ZNF423: variants seen among roughly 807,000 people sequenced by gnomAD.
ZNF423 encodes the protein Ebf-associated zinc finger protein.
In ZNF423, 12 loss-of-function variants were observed where a neutral mutation model predicts 95.8. The ratio of observed to expected loss-of-function variants is 0.13; its 90% confidence interval spans 0.08 to 0.20. The LOEUF (loss-of-function observed/expected upper bound fraction) is 0.20, where lower values mean the gene tolerates loss of function less well. Among genes scored for constraint, ZNF423 ranks in the 10% least tolerant of loss-of-function variants. ZNF423 has a pLI of 1.00. For missense variants in ZNF423, 1,316 were observed against 1,737.1 expected, an observed-to-expected ratio of 0.76 and a Z score of 4.31; for synonymous variants, 749 against 711.9, an observed-to-expected ratio of 1.05 and a Z score of -0.83.
intron 3 of ZNF423, among the ~76,000 whole-genome samples, chr16:49,663,020 G>A (rs748137075): frequency 3.9e-5 from 6 of 152,136 alleles, no homozygotes; most frequent in Admixed American, 6.5e-5. Flanking sequence ...TCTTGGTTTC[G>A]GCAACAGCTA....
chr16:49,566,034 T>C (rs990446089), intron 5 of ZNF423, among the ~76,000 whole-genome samples: 1 of 152,134 alleles, frequency 6.6e-6, no homozygotes, highest in African/African-American at 2.4e-5. Context: ...ATCCTTAACC[T>C]GTCTTTGCAA....
chr16:49,822,327 C>T (rs548228110), intron 1 of ZNF423, among the ~76,000 whole-genome samples: 42 of 152,118 alleles, frequency 2.8e-4, no homozygotes, highest in Non-Finnish European at 5.3e-4. Context: ...GTGCCCACCA[C>T]CACGCCTGGC....
chr16:49,855,535 GCCT>G lies in ZNF423; in HGVS notation c.40+197_40+199del, dbSNP rs1228937608. On this transcript the variant is annotated intron_variant, in intron 1 of 7. Transcript: ENST00000563137. The surrounding 1 kb of genome is among the most constrained non-coding windows in gnomAD (Gnocchi z 4.7). ...CTCCGCCGCCGCCGCCGCCGCCGCCGCCTCCGCCTCCTGCTCCCGGCTTCCTCC... is the reference window on the plus strand; with the variant it reads ...CTCCGCCGCCGCCGCCGCCGCCGCCGCCGCCTCCTGCTCCCGGCTTCCTCC... Among the ~76,000 whole-genome samples the G allele has an allele frequency of 4.3e-5, 6 of 140,936 alleles. No individual in the cohort carries two copies. The East Asian group carries it at 1.1e-3, about 27-fold the overall frequency. The allele number at this position is 140,936 out of a possible 152,430, so 92.5% of individuals were successfully genotyped here.
intron 3 of ZNF423, among the ~76,000 whole-genome samples, chr16:49,685,692 C>T (rs2031537791): frequency 6.6e-6 from 1 of 152,184 alleles, no homozygotes. Flanking sequence ...TGTTCTCGGT[C>T]CCCACTGCCT....
Position 49,514,780 on chromosome 16 carries a change from CA to C in ZNF423, c.3849+8843del, listed in dbSNP as rs772758762. Among the ~76,000 whole-genome samples, 17 of 152,380 alleles carry C rather than the reference CA, an allele frequency of 1.1e-4. 1 individual carries two copies. The South Asian group carries it at 2.9e-3, about 26-fold the overall frequency. On this transcript the variant is annotated intron_variant, in intron 7 of 7. Transcript: ENST00000563137. ...CCACCGCGGGCCCGGCTCACGGAAT[CA>C]CTTCCTGCAGCCCCTGGCTTTGTCA... is the stretch of plus-strand genomic sequence containing the variant.
intron 5 of ZNF423, among the ~76,000 whole-genome samples, chr16:49,606,213 C>A (rs1291066178): frequency 2.6e-5 from 4 of 152,192 alleles, no homozygotes; most frequent in South Asian, 4.2e-4. Flanking sequence ...AAAATAAAGT[C>A]CTCTCTTAGA....
At chr16:49,497,465 T>G (rs1967208373) in intron 7 of ZNF423, among the ~76,000 whole-genome samples, 1 of 152,236 alleles carries the variant, frequency 6.6e-6, no homozygotes, top group African/African-American at 2.4e-5. Context: ...GCCGTGGTTC[T>G]GGCCCTTGAG....
chr16:49,748,947 G>C (rs1260824414), intron 2 of ZNF423, among the ~76,000 whole-genome samples: 2 of 152,190 alleles, frequency 1.3e-5, no homozygotes, highest in African/African-American at 4.8e-5. Context: ...CAACAGAGAA[G>C]TCCAGCGCAT....
intron 3 of ZNF423, among the ~76,000 whole-genome samples, chr16:49,649,275 G>A (rs547876949): frequency 9.2e-5 from 14 of 152,124 alleles, no homozygotes; most frequent in Non-Finnish European, 1.3e-4. Flanking sequence ...GTGTAACCAT[G>A]GGCAAGCATA....
At chr16:49,699,283 A>C (rs76272731) in intron 3 of ZNF423, among the ~76,000 whole-genome samples, 2 of 152,336 alleles carry the variant, frequency 1.3e-5, no homozygotes, top group East Asian at 3.9e-4. Context: ...CTGTAACTCT[A>C]ATAAAGGAAA....
rs559392003 is a variant in ZNF423 at position 49,635,096 on chromosome 16, G to C, written c.3516+564C>G. Among the ~76,000 whole-genome samples, 11 of 152,328 alleles carry C rather than the reference G, an allele frequency of 7.2e-5. No individual in the cohort carries two copies. In the East Asian group the frequency reaches 2.1e-3, roughly 29 times the overall value. On this transcript the variant is annotated intron_variant, in intron 4 of 7. Transcript: ENST00000563137. This position sits in a 1 kb window ranked among gnomAD's most constrained non-coding sequence, Gnocchi z 4.8. Reference sequence around the variant, plus strand: ...CTGCACTAACTGAAATGATGCCACTGGTGATAAGAGTACCAGCTGGTGATG... The same window carrying C: ...CTGCACTAACTGAAATGATGCCACTCGTGATAAGAGTACCAGCTGGTGATG...
rs185840428 is a variant in ZNF423 at position 49,552,846 on chromosome 16, G to A, written c.3602-27352C>T. ...CCAAAAGGCAAGCAGAGGAACCAGC[G>A]GTGCTCCCCAAGGGCCCCCACCCCT... On this transcript the variant is annotated intron_variant, in intron 5 of 7. Coordinates refer to ENST00000563137, the MANE Select transcript of ZNF423 (RefSeq NM_001379286.1). Among the ~76,000 whole-genome samples, 26 of 151,940 alleles carry A rather than the reference G, an allele frequency of 1.7e-4. No individual in the cohort carries two copies. In the East Asian group the frequency reaches 2.7e-3, roughly 16 times the overall value.
chr16:49,801,799 T>G (rs980558416), intron 1 of ZNF423, among the ~76,000 whole-genome samples: 6 of 152,130 alleles, frequency 3.9e-5, no homozygotes, highest in African/African-American at 1.4e-4. Flanking sequence ...AAAACTAAGG[T>G]TAAGCAATTT....
In ZNF423 at chr16:49,492,527, G is replaced by A. The variant is rs1260301922; in HGVS notation, c.3850-1223C>T. ...AGACGGGCCACTCCTGCTCCCTGGA[G>A]CAGGGCCCCGCGCAGTCCCTTCCCG... On this transcript the variant is annotated intron_variant, in intron 7 of 7. Coordinates refer to ENST00000563137, the MANE Select transcript of ZNF423 (RefSeq NM_001379286.1). This position sits in a 1 kb window ranked among gnomAD's most constrained non-coding sequence, Gnocchi z 4.2. 6.6e-6 allele frequency among the ~76,000 whole-genome samples: 1 copy of A among 152,152 alleles called. No individual in the cohort carries two copies. Among genetic ancestry groups the A allele is most frequent in the Non-Finnish European group, 1.5e-5 (1 of 68,000 alleles).
intron 7 of ZNF423, among the ~76,000 whole-genome samples, chr16:49,509,425 C>T (rs564811333): frequency 2.6e-4 from 40 of 152,346 alleles, no homozygotes; most frequent in African/African-American, 9.1e-4. Flanking sequence ...ATTATTGACA[C>T]AGCAAAATTA....
At chr16:49,806,152 C>T (rs898098400) in intron 1 of ZNF423, among the ~76,000 whole-genome samples, 3 of 152,252 alleles carry the variant, frequency 2.0e-5, no homozygotes, top group Non-Finnish European at 2.9e-5. Flanking sequence ...CATCCTGTTT[C>T]GGGGGCAACA....
intron 5 of ZNF423, among the ~76,000 whole-genome samples, chr16:49,625,058 A>G (rs930273057): frequency 3.3e-5 from 5 of 152,268 alleles, no homozygotes; most frequent in Non-Finnish European, 7.3e-5. Flanking sequence ...AAAAGATGCT[A>G]GAAGAAGAAA....
intron 2 of ZNF423, among the ~76,000 whole-genome samples, chr16:49,754,958 G>T (rs2033698076): frequency 6.6e-6 from 1 of 152,176 alleles, no homozygotes; most frequent in South Asian, 2.1e-4. Context: ...CTGACTCAGG[G>T]TTTTCAGCTA....
At chr16:49,543,698 C>T (rs919896308) in intron 5 of ZNF423, among the ~76,000 whole-genome samples, 1 of 152,210 alleles carries the variant, frequency 6.6e-6, no homozygotes, top group African/African-American at 2.4e-5. Flanking sequence ...CAGCTCAGCC[C>T]TGTCGCCCGC....
Sources: gnomAD v4.1 joint callset for allele counts (sites outside exome capture counted in the v4.1 genomes callset) on GRCh38, gnomAD v4.1.1 for gene constraint, Gnocchi (gnomAD v3.1) non-coding constraint, MANE v1.5 for transcripts, NCBI Gene and HGNC (gene_info 2026-07-23, HGNC 2026-07-21) for gene names.